Variants in CTDP1 observed in about 807,000 individuals in gnomAD.
The protein encoded by CTDP1 is RNA polymerase II subunit A C-terminal domain phosphatase.
Under a neutral mutation model 91.8 loss-of-function variants are expected in CTDP1, and 47 were observed. That is an observed-to-expected ratio of 0.51 (90% confidence interval 0.41 to 0.65). The LOEUF (loss-of-function observed/expected upper bound fraction) is 0.65, where lower values mean the gene tolerates loss of function less well. Ranked by LOEUF, CTDP1 falls within the 30% of genes least tolerant of loss-of-function variation. The pLI, the probability that CTDP1 is intolerant of heterozygous loss-of-function variation, is 0.00. For synonymous variants in CTDP1, 656 were observed against 598.5 expected (o/e 1.10, Z -1.40); for missense variants, 1,272 against 1,373.7 (o/e 0.93, Z 1.17).
Position 79,713,234 on chromosome 18 carries a change from C to T in CTDP1, c.1030+96C>T, listed in dbSNP as rs1041513582. The T allele has an allele frequency of 1.6e-6, 2 of 1,227,458 alleles. No homozygotes were observed. The highest frequency in any genetic ancestry group is 3.0e-5 in the African/African-American group (2 of 66,094). 76.0% of individuals were successfully genotyped at this position (1,227,458 alleles called of 1,614,324 possible). A position where few individuals can be genotyped will look rare whatever the true frequency, so the allele number is the denominator to read the frequency against. ...ATCTCTGTTTTGACTGCTATAAATT[C>T]AAGATACACTTTTTTTATTTGTGTT... On this transcript the variant is annotated intron_variant, in intron 7 of 12. Coordinates refer to ENST00000613122, the MANE Select transcript of CTDP1 (RefSeq NM_004715.5). The surrounding 1 kb of genome is among the most constrained non-coding windows in gnomAD (Gnocchi z 4.7).
chr18:79,692,172 GACTCCGGGTGGGGA>G (rs2122452011), intron 1 of CTDP1, among the ~76,000 whole-genome samples: 1 of 151,816 alleles, frequency 6.6e-6, no homozygotes, highest in East Asian at 1.9e-4. Flanking sequence ...TCCCAGGGTG[GACTCCGGGTGGGGA>G]ACAGTGGAGA....
chr18:79,720,006 CG>C (rs2086303273), intron 10 of CTDP1, among the ~76,000 whole-genome samples: 1 of 125,958 alleles, frequency 7.9e-6, no homozygotes, highest in African/African-American at 3.1e-5. Context: ...CATCTCCTGT[CG>C]TTAGGAAGGC....
intron 1 of CTDP1, among the ~76,000 whole-genome samples, chr18:79,694,568 G>A (rs1013386483): frequency 6.7e-6 from 1 of 150,098 alleles, no homozygotes; most frequent in Non-Finnish European, 1.5e-5. Context: ...GTCAGGCGCT[G>A]AGTGCTGGGT....
chr18:79,749,316 C>G (rs1023150318), intron 12 of CTDP1, among the ~76,000 whole-genome samples: 4 of 152,026 alleles, frequency 2.6e-5, no homozygotes, highest in African/African-American at 9.7e-5. Flanking sequence ...CACTTTCGGT[C>G]GGGGCCCCTG....
At chr18:79,756,214 T>A (rs925177337), downstream of CTDP1, 5 of 152,496 alleles carry the variant, frequency 3.3e-5, no homozygotes, top group Admixed American at 1.3e-4. Context: ...CTCCCGCCTG[T>A]CTCACTGTTG....
chr18:79,718,153 T>A, intron 10 of CTDP1, 137 bp downstream of exon 10: 11 of 1,019,674 alleles, frequency 1.1e-5, no homozygotes, highest in Non-Finnish European at 1.6e-5. Flanking sequence ...TGCTTCCACC[T>A]TGTGGGAGCG....
At chr18:79,679,802 G>A, upstream of CTDP1, 1 of 741,228 alleles carries the variant, frequency 1.3e-6, no homozygotes, top group Non-Finnish European at 2.0e-6. Flanking sequence ...CGCCCTCCAG[G>A]AAGTCGGCGC....
At chr18:79,682,903 T>C (rs1455120093) in intron 1 of CTDP1, 1 of 152,268 alleles carries the variant, frequency 6.6e-6, no homozygotes, top group Non-Finnish European at 1.5e-5. Context: ...TTAGTTCTCA[T>C]CCCTGCGACG....
At chr18:79,732,256 T>C (rs1292448027) in intron 11 of CTDP1, among the ~76,000 whole-genome samples, 1 of 131,706 alleles carries the variant, frequency 7.6e-6, no homozygotes, top group Non-Finnish European at 1.6e-5. Flanking sequence ...TGAGAAGTGC[T>C]CCCAAAATCA....
rs533397936 is a variant in CTDP1, at chr18:79,704,396, G to A, written c.622-371G>A. ...CGCATGTCCTCTGTCCCATGCCCACGTGGAGGGGCGTGTACACACGCATGT... is the reference window on the plus strand; with the variant it reads ...CGCATGTCCTCTGTCCCATGCCCACATGGAGGGGCGTGTACACACGCATGT... On this transcript the variant is annotated intron_variant, in intron 4 of 12. Coordinates refer to ENST00000613122, the MANE Select transcript of CTDP1 (RefSeq NM_004715.5). Among the ~76,000 whole-genome samples the A allele has an allele frequency of 3.3e-5, 5 of 152,136 alleles. No individual in the cohort carries two copies. The East Asian group carries it at 5.8e-4, about 18-fold the overall frequency.
chr18:79,705,127 C>T (rs2085941146), intron 5 of CTDP1, among the ~76,000 whole-genome samples: 1 of 152,022 alleles, frequency 6.6e-6, no homozygotes, highest in South Asian at 2.1e-4. Context: ...TGGCCGGGTG[C>T]GGTACTGGGT....
chr18:79,740,581 C>T (rs932704348), intron 12 of CTDP1, among the ~76,000 whole-genome samples: 4 of 152,210 alleles, frequency 2.6e-5, no homozygotes, highest in South Asian at 2.1e-4. Flanking sequence ...CGTGGCAATG[C>T]GTTTCGTACA....
intron 5 of CTDP1, among the ~76,000 whole-genome samples, chr18:79,706,434 G>A (rs562127118): frequency 5.9e-5 from 9 of 152,260 alleles, no homozygotes; most frequent in South Asian, 4.1e-4. Flanking sequence ...GGACAGTGAC[G>A]CCCACTCAAA....
At chr18:79,739,083 AG>A (rs1277652733) in intron 12 of CTDP1, among the ~76,000 whole-genome samples, 1 of 152,230 alleles carries the variant, frequency 6.6e-6, no homozygotes, top group Non-Finnish European at 1.5e-5. Context: ...AAGACCCTCT[AG>A]CCCGGGGCTG....
intron 1 of CTDP1, among the ~76,000 whole-genome samples, 155 bp downstream of exon 1, chr18:79,680,416 G>T (rs952898027): frequency 2.0e-5 from 3 of 152,240 alleles, no homozygotes; most frequent in Non-Finnish European, 4.4e-5. Context: ...CCTAAAACTG[G>T]ATAGTCACCA....
intron 11 of CTDP1, among the ~76,000 whole-genome samples, chr18:79,735,213 G>C (rs113018959): frequency 0.021 from 3,158 of 152,254 alleles, 95 homozygotes; most frequent in African/African-American, 0.069. Flanking sequence ...GCCGTTTCTC[G>C]TACCTGCTGC....
intron 12 of CTDP1, among the ~76,000 whole-genome samples, chr18:79,742,425 A>G (rs1220043461): frequency 1.3e-5 from 2 of 152,204 alleles, no homozygotes; most frequent in Admixed American, 6.5e-5. Flanking sequence ...CAGCAAAACA[A>G]CCTTTCAAAA....
At chr18:79,689,939 A>T (rs1172162778) in intron 1 of CTDP1, among the ~76,000 whole-genome samples, 2 of 152,092 alleles carry the variant, frequency 1.3e-5, no homozygotes, top group Admixed American at 1.3e-4. Flanking sequence ...GTCTTGAGGC[A>T]TTGCCGCCTT....
In CTDP1 at chr18:79,714,638, G is replaced by A. The variant is rs781037719; in HGVS notation, c.1178G>A (p.Arg393Gln). Residue 393 changes from arginine to glutamine, a missense_variant, in exon 8 of 13, where the codon CGG (arginine) becomes CAG (glutamine). By Grantham distance (43) the Arg-to-Gln change is conservative. This residue lies in a region of CTDP1 where 881 missense variants were observed against 911.6 expected (regional missense o/e 0.97). Transcript: ENST00000613122. ...ELNGSEAATP[R>Q]DSPRPGKPDE... ...AACGGCAGCGAGGCCGCCACCCCGC[G>A]GGACTCACCCCGCCCCGGGAAGCCA... is the stretch of plus-strand genomic sequence containing the variant. The A allele has an allele frequency of 3.7e-6, 6 of 1,612,194 alleles. No individual in the cohort carries two copies. The highest frequency in any genetic ancestry group is 2.2e-5 in the East Asian group (1 of 44,862).
Sources: allele counts gnomAD v4.1 joint callset (sites outside exome capture counted in the v4.1 genomes callset), GRCh38; gene constraint gnomAD v4.1.1; regional missense constraint gnomAD v4.1.1; non-coding constraint Gnocchi (gnomAD v3.1); transcripts MANE v1.5; gene names NCBI Gene and HGNC (gene_info 2026-07-23, HGNC 2026-07-21).